C10orf90: variants seen among roughly 807,000 people sequenced by gnomAD.
C10orf90 encodes (E2-independent) E3 ubiquitin-conjugating enzyme FATS.
A neutral mutation model predicts 62.5 loss-of-function variants in C10orf90; 56 were observed. The ratio of observed to expected loss-of-function variants is 0.90; its 90% CI spans 0.72 to 1.12. The LOEUF is 1.12. Among genes scored for constraint, C10orf90 ranks in the 50% most tolerant of loss-of-function variants. C10orf90 has a pLI of 0.00. For missense variants in C10orf90, 970 were observed against 880.4 expected (o/e 1.10, Z -1.29); for synonymous variants, 386 against 340.4 (o/e 1.13, Z -1.47).
At chr10:126,544,489 C>T (rs187914427) in intron 2 of C10orf90, among the ~76,000 whole-genome samples, 17 of 152,146 alleles carry the variant, frequency 1.1e-4, no homozygotes, top group African/African-American at 3.1e-4. Context: ...ACACAACTCA[C>T]TTCAGAAAAA....
At chr10:126,503,815 G>T in intron 4 of C10orf90, 142 bp downstream of exon 4, 2 of 1,034,484 alleles carry the variant, frequency 1.9e-6, no homozygotes, top group Admixed American at 3.1e-5. Context: ...GCTATCAGTT[G>T]TCAACTATGA....
At chr10:126,514,005 C>A in intron 2 of C10orf90, 66 bp from the exon 3 acceptor site, 1 of 1,163,608 alleles carries the variant, frequency 8.6e-7, no homozygotes, top group South Asian at 1.3e-5. Context: ...ATATATAACT[C>A]TACTGTAAAA....
At chr10:126,483,474 A>G (rs989791636) in intron 4 of C10orf90, among the ~76,000 whole-genome samples, 6 of 152,190 alleles carry the variant, frequency 3.9e-5, no homozygotes, top group Non-Finnish European at 5.9e-5. Flanking sequence ...TGCTGACTTG[A>G]TCTATACTCA....
chr10:126,584,943 C>T (rs749640885), intron 2 of C10orf90, among the ~76,000 whole-genome samples: 7 of 151,986 alleles, frequency 4.6e-5, no homozygotes, highest in Non-Finnish European at 1.5e-5. Context: ...TACACATGCA[C>T]TACCCCCACT....
At chr10:126,653,329 C>G (rs974991116) in intron 1 of C10orf90, among the ~76,000 whole-genome samples, 4 of 152,168 alleles carry the variant, frequency 2.6e-5, no homozygotes, top group African/African-American at 9.7e-5. Flanking sequence ...GGAGGCAATC[C>G]CCTCAAACCT....
chr10:126,576,014 A>G lies in C10orf90; in HGVS notation c.314-62075T>C, dbSNP rs146803129. ...AATGCTTCAGGATGTTGGTAAGGGA[A>G]AAGATTTAATGAATAAGACCTCAAG... On this transcript the variant is annotated intron_variant, in intron 2 of 9. Coordinates refer to ENST00000488181, the MANE Select transcript of C10orf90 (RefSeq NM_001350921.2). Among the ~76,000 whole-genome samples, 1,121 of 152,220 alleles carry G rather than the reference A, an allele frequency of 7.4e-3. 3 individuals are homozygous for G. The highest frequency in any genetic ancestry group is 0.012 in the Non-Finnish European group (799 of 67,944).
intron 3 of C10orf90, among the ~76,000 whole-genome samples, chr10:126,506,497 A>T (rs1444025135): frequency 4.6e-5 from 7 of 152,252 alleles, no homozygotes; most frequent in Admixed American, 4.6e-4. Flanking sequence ...TGAGGGCATA[A>T]CTGGATGCCC....
At chr10:126,629,857 T>C (rs1342013548) in intron 2 of C10orf90, among the ~76,000 whole-genome samples, 1 of 151,780 alleles carries the variant, frequency 6.6e-6, no homozygotes, top group Non-Finnish European at 1.5e-5. Context: ...ATTTGCTGAA[T>C]GTCAGCTGCA....
rs199944402 is a variant in C10orf90, at chr10:126,513,842, T to C, written c.405+6A>G. 4 of 1,577,272 alleles carry C rather than the reference T, an allele frequency of 2.5e-6. No individual in the cohort carries two copies. Among genetic ancestry groups the C allele is most frequent in the East Asian group, 4.5e-5 (2 of 44,632 alleles). On this transcript the variant is annotated splice_donor_region_variant and intron_variant, in intron 3 of 9. Coordinates refer to ENST00000488181, the MANE Select transcript of C10orf90 (RefSeq NM_001350921.2). ...GACTATTCTAGAAGTTAGAAATGTATGTTACCTTGGTGAAGTCAGATTTTG... is the reference window on the plus strand; with the variant it reads ...GACTATTCTAGAAGTTAGAAATGTACGTTACCTTGGTGAAGTCAGATTTTG...
chr10:126,437,726 A>T (rs1231363784), intron 7 of C10orf90, among the ~76,000 whole-genome samples: 1 of 152,208 alleles, frequency 6.6e-6, no homozygotes. Flanking sequence ...TTAACTGGGC[A>T]TCCTATATTT....
At chr10:126,638,137 G>T (rs774408866) in intron 2 of C10orf90, among the ~76,000 whole-genome samples, 2 of 152,140 alleles carry the variant, frequency 1.3e-5, no homozygotes, top group Non-Finnish European at 2.9e-5. Context: ...CTAGGTCGGG[G>T]TTCACTGGGC....
intron 4 of C10orf90, among the ~76,000 whole-genome samples, chr10:126,472,372 G>A (rs529308797): frequency 6.6e-5 from 10 of 152,116 alleles, no homozygotes; most frequent in Non-Finnish European, 1.5e-4. Context: ...TGGGAGCTAC[G>A]ACATATTTCT....
intron 7 of C10orf90, among the ~76,000 whole-genome samples, chr10:126,443,581 C>A (rs1296999214): frequency 2.0e-5 from 3 of 151,716 alleles, no homozygotes; most frequent in Non-Finnish European, 1.5e-5. Context: ...AATTCTAGAG[C>A]AGAATTCTAC....
intron 2 of C10orf90, among the ~76,000 whole-genome samples, chr10:126,596,135 A>AT (rs1234065719): frequency 1.2e-4 from 17 of 138,386 alleles, no homozygotes; most frequent in African/African-American, 4.7e-4. Context: ...CCTATCTCTT[A>AT]TTTAAAAAAA....
rs143873964 is a variant in C10orf90 at position 126,463,325 on chromosome 10, C to T, written c.1825+1371G>A. 216 of 152,770 alleles carry T rather than the reference C, an allele frequency of 1.4e-3. 1 individual carries two copies. The highest frequency in any genetic ancestry group is 3.4e-3 in the Middle Eastern group (1 of 294). The allele number at this position is 152,770 out of a possible 1,614,324, so 9.5% of individuals were successfully genotyped here. On this transcript the variant is annotated intron_variant, in intron 5 of 9. Coordinates refer to ENST00000488181, the MANE Select transcript of C10orf90 (RefSeq NM_001350921.2). ...CTCCTTCACAGTGACTCCACGCTCT[C>T]CTTGCCGGCTGGGCCTCAGCCCCCA...
chr10:126,564,843 T>TAATATTATATAATATATATTATAAAA (rs369087080), intron 2 of C10orf90, among the ~76,000 whole-genome samples: 1 of 3,570 alleles, frequency 2.8e-4, no homozygotes, highest in African/African-American at 8.9e-4. Context: ...TATATATATA[T>TAATATTATATAATATATATTATAAAA]TATATATTAT....
At chr10:126,627,349 C>T (rs1456585143) in intron 2 of C10orf90, among the ~76,000 whole-genome samples, 1 of 152,130 alleles carries the variant, frequency 6.6e-6, no homozygotes, top group Non-Finnish European at 1.5e-5. Context: ...TTTCTAAGAA[C>T]TGGTTCCACT....
At chr10:126,447,769 T>A (rs1165702392) in intron 7 of C10orf90, among the ~76,000 whole-genome samples, 1 of 152,148 alleles carries the variant, frequency 6.6e-6, no homozygotes, top group Non-Finnish European at 1.5e-5. Context: ...TCAGAATAGA[T>A]CATATGTTAG....
chr10:126,664,708 C>T (rs1846590318), intron 1 of C10orf90, among the ~76,000 whole-genome samples: 1 of 152,192 alleles, frequency 6.6e-6, no homozygotes, highest in South Asian at 2.1e-4. Context: ...GCCTTAGCTG[C>T]CAATGCCCTG....
Sources: allele counts gnomAD v4.1 joint callset (sites outside exome capture counted in the v4.1 genomes callset), GRCh38; gene constraint gnomAD v4.1.1; transcripts MANE v1.5; gene names NCBI Gene and HGNC (gene_info 2026-07-23, HGNC 2026-07-21).